The following SHISA6 variants were observed in gnomAD, a reference collection of about 807,000 sequenced individuals.
The protein encoded by SHISA6 is protein shisa-6.
A neutral mutation model predicts 47.9 loss-of-function variants in SHISA6; 22 were observed. The observed-to-expected ratio is 0.46, with a 90% confidence interval of 0.33 to 0.66. The LOEUF is 0.66. SHISA6 is among the 30% of genes least tolerant of loss of function. The probability of loss-of-function intolerance (pLI) is 0.02; values close to 1 mark genes in which losing one functional copy is unlikely to be tolerated. For missense variants in SHISA6, 680 were observed against 764.6 expected (o/e 0.89, Z 1.30); for synonymous variants, 388 against 337.8 (o/e 1.15, Z -1.63).
chr17:11,548,982 T>C (rs749121985), intron 3 of SHISA6, among the ~76,000 whole-genome samples: 1 of 152,248 alleles, frequency 6.6e-6, no homozygotes, highest in Non-Finnish European at 1.5e-5. Context: ...AGTAAATGTA[T>C]GTATAAGCAT....
intron 3 of SHISA6, among the ~76,000 whole-genome samples, chr17:11,421,669 T>A (rs532280580): frequency 6.6e-6 from 1 of 152,358 alleles, no homozygotes; most frequent in South Asian, 2.1e-4. Flanking sequence ...CTCAGAGGCC[T>A]TCTGTCTTCC....
At position 11,291,171 on chromosome 17, in the gene SHISA6, G is replaced by C. The variant is rs1174667391; in HGVS notation, c.799+27645G>C. Among the ~76,000 whole-genome samples, 3 of 152,054 alleles carry C rather than the reference G, an allele frequency of 2.0e-5. No homozygotes were observed. The East Asian group carries it at 5.8e-4, about 29-fold the overall frequency. On this transcript the variant is annotated intron_variant, in intron 2 of 5. Coordinates refer to ENST00000441885, the MANE Select transcript of SHISA6 (RefSeq NM_207386.4). ...CCCTTAGGGAGTGAGAGTTCGGGAC[G>C]GGGAGAGAGAATAAAAACACAGGAC...
At chr17:11,266,461 G>A (rs972599268) in intron 2 of SHISA6, among the ~76,000 whole-genome samples, 6 of 152,220 alleles carry the variant, frequency 3.9e-5, no homozygotes, top group African/African-American at 1.2e-4. Flanking sequence ...CACTGGGAAA[G>A]CTTGAGCATT....
intron 3 of SHISA6, among the ~76,000 whole-genome samples, chr17:11,546,163 T>C (rs1370084553): frequency 5.3e-5 from 8 of 152,194 alleles, no homozygotes; most frequent in South Asian, 4.1e-4. Flanking sequence ...TGACTGCCCA[T>C]AGCAACCTAG....
intron 2 of SHISA6, among the ~76,000 whole-genome samples, chr17:11,267,986 A>T (rs754470116): frequency 6.6e-6 from 1 of 152,098 alleles, no homozygotes; most frequent in African/African-American, 2.4e-5. Flanking sequence ...CTTTTCGTAG[A>T]TGGGGAGCAG....
chr17:11,550,771 T>C (rs2071925256), intron 3 of SHISA6, among the ~76,000 whole-genome samples: 1 of 152,218 alleles, frequency 6.6e-6, no homozygotes, highest in African/African-American at 2.4e-5. Context: ...GACCTTGAGC[T>C]AGAGTTGTAG....
chr17:11,326,377 A>G (rs993876050), intron 2 of SHISA6, among the ~76,000 whole-genome samples: 1 of 151,346 alleles, frequency 6.6e-6, no homozygotes, highest in Non-Finnish European at 1.5e-5. Flanking sequence ...CTCTTTGTTC[A>G]CTCCTTCTTC....
At chr17:11,306,259 G>T (rs1236744148) in intron 2 of SHISA6, among the ~76,000 whole-genome samples, 1 of 152,098 alleles carries the variant, frequency 6.6e-6, no homozygotes, top group African/African-American at 2.4e-5. Flanking sequence ...GAAAGTAAGT[G>T]ATCTCAGCCT....
intron 3 of SHISA6, among the ~76,000 whole-genome samples, chr17:11,395,935 A>G (rs1022510858): frequency 1.2e-4 from 19 of 152,202 alleles, no homozygotes; most frequent in Non-Finnish European, 2.8e-4. Context: ...TTCTGATGTT[A>G]GTGGAAATCC....
In SHISA6 at chr17:11,244,663, G is replaced by T. The variant is rs193216993; in HGVS notation, c.638+2603G>T. On this transcript the variant is annotated intron_variant, in intron 1 of 5. Transcript: ENST00000441885. ...ATAGAGACAGAGAAATATTCACACC[G>T]TAATGAGTTTTCCTTAGGGAAAGTG... 2.2e-4 allele frequency among the ~76,000 whole-genome samples: 33 copies of T among 152,306 alleles called. No individual in the cohort carries two copies. The South Asian group carries it at 6.9e-3, about 32-fold the overall frequency.
At chr17:11,482,360 T>C (rs1375875536) in intron 3 of SHISA6, among the ~76,000 whole-genome samples, 1 of 152,220 alleles carries the variant, frequency 6.6e-6, no homozygotes, top group Non-Finnish European at 1.5e-5. Flanking sequence ...CATAAGTTTA[T>C]GTAAATTCCA....
Position 11,536,644 on chromosome 17 carries a change from T to C in SHISA6, c.896-15252T>C, listed in dbSNP as rs374649445. Among the ~76,000 whole-genome samples the C allele has an allele frequency of 2.0e-4, 30 of 152,244 alleles. 1 individual carries two copies. The East Asian group carries it at 2.7e-3, about 14-fold the overall frequency. On this transcript the variant is annotated intron_variant, in intron 3 of 5. Coordinates refer to ENST00000441885, the MANE Select transcript of SHISA6 (RefSeq NM_207386.4). Reference sequence around the variant, plus strand: ...GAATATCATAGGCCTTATGCCTCCATAGGGAGCCCACCTGCAGGCCCGCTT... The same window carrying C: ...GAATATCATAGGCCTTATGCCTCCACAGGGAGCCCACCTGCAGGCCCGCTT...
chr17:11,499,674 T>G (rs772367683), intron 3 of SHISA6, among the ~76,000 whole-genome samples: 31 of 142,026 alleles, frequency 2.2e-4, no homozygotes, highest in Non-Finnish European at 3.8e-4. Context: ...AAATCTATTC[T>G]TTTTCTTTCT....
chr17:11,249,294 G>GTA (rs1243472214), intron 1 of SHISA6, among the ~76,000 whole-genome samples: 4 of 151,970 alleles, frequency 2.6e-5, no homozygotes, highest in Non-Finnish European at 2.9e-5. Context: ...GTGTGTGTGT[G>GTA]TGTGCGCGTG....
intron 3 of SHISA6, among the ~76,000 whole-genome samples, chr17:11,493,071 A>G (rs1253147903): frequency 1.3e-5 from 2 of 152,074 alleles, no homozygotes; most frequent in African/African-American, 4.8e-5. Flanking sequence ...CAACTTTTCC[A>G]TGGAGATAAG....
intron 3 of SHISA6, among the ~76,000 whole-genome samples, chr17:11,496,668 G>A (rs1339125355): frequency 6.6e-6 from 1 of 152,026 alleles, no homozygotes; most frequent in African/African-American, 2.4e-5. Context: ...GAACCTGGGA[G>A]GCGGAGGTTG....
chr17:11,377,743 T>A (rs1356051358), intron 2 of SHISA6, among the ~76,000 whole-genome samples: 1 of 152,164 alleles, frequency 6.6e-6, no homozygotes, highest in Non-Finnish European at 1.5e-5. Context: ...CTGAGCTTAG[T>A]TGTTCCTCCA....
At position 11,300,149 on chromosome 17, in the gene SHISA6, CAAAAAAAA is replaced by C. The variant is rs56060137; in HGVS notation, c.799+36632_799+36639del. Reference sequence around the variant, plus strand: ...GACAGAGCAAGACTCCATCTTAAAACAAAAAAAAAAAAAAAAGAAAAACAAGAAAAAAG... The same window carrying C: ...GACAGAGCAAGACTCCATCTTAAAACAAAAAAAAGAAAAACAAGAAAAAAG... On this transcript the variant is annotated intron_variant, in intron 2 of 5. Transcript: ENST00000441885. 3.0e-3 allele frequency among the ~76,000 whole-genome samples: 382 copies of C among 129,194 alleles called. 4 individuals are homozygous for C. The Middle Eastern group carries it at 0.03, about 10-fold the overall frequency. The allele number at this position is 129,194 out of a possible 152,430, so 84.8% of individuals were successfully genotyped here.
intron 3 of SHISA6, among the ~76,000 whole-genome samples, chr17:11,426,974 G>A (rs16944711): frequency 0.11 from 16,674 of 152,102 alleles, 1,055 homozygotes; most frequent in Non-Finnish European, 0.14. Flanking sequence ...CACCCCTGTA[G>A]GTACTGGAAA....
Sources: gnomAD v4.1 joint callset for allele counts (sites outside exome capture counted in the v4.1 genomes callset) on GRCh38, gnomAD v4.1.1 for gene constraint, MANE v1.5 for transcripts, NCBI Gene and HGNC (gene_info 2026-07-23, HGNC 2026-07-21) for gene names.